Variants in GPRC6A observed in about 807,000 individuals in gnomAD.
GPRC6A encodes G protein-coupled receptor class C group 6 member A.
Under a neutral mutation model 47.0 loss-of-function variants are expected in GPRC6A, and 54 were observed. That is an observed-to-expected ratio of 1.15 (90% CI 0.92 to 1.44). The LOEUF is 1.44. Among genes scored for constraint, GPRC6A ranks in the 40% most tolerant of loss-of-function variants. The pLI is 0.00. For synonymous variants in GPRC6A, 347 were observed against 377.1 expected (o/e 0.92, Z 0.93); for missense variants, 1,112 against 1,105.5 (o/e 1.01, Z -0.08).
At chr6:116,802,115 T>A (rs908788297) in intron 3 of GPRC6A, among the ~76,000 whole-genome samples, 2 of 152,176 alleles carry the variant, frequency 1.3e-5, no homozygotes, top group African/African-American at 4.8e-5. Context: ...TTAATTAGGC[T>A]TTATAGGCTA....
rs750666167 is a variant in GPRC6A at position 116,792,528 on chromosome 6, TG to T, written c.2394del (p.Phe798LeufsTer22). On this transcript the variant is annotated frameshift_variant, in exon 6 of 6. Transcript: ENST00000310357. LOFTEE classifies it low-confidence loss of function (END_TRUNC). ...CCAAATGTGGTAGCATAGATAGGGATGAATGTGATCCAAGCTATGAAGTAAA... is the reference window on the plus strand; with the variant it reads ...CCAAATGTGGTAGCATAGATAGGGATAATGTGATCCAAGCTATGAAGTAAA... ...MLIYFIAWITFIPIYATTFGK... is the reference protein window; with the variant it reads ...MLIYFIAWITXIPIYATTFGK... The T allele has an allele frequency of 1.2e-6, 2 of 1,613,824 alleles. No homozygotes were observed. The highest frequency in any genetic ancestry group is 1.7e-5 in the Admixed American group (1 of 59,988).
chr6:116,810,370 A>G (rs1490856991), intron 1 of GPRC6A, among the ~76,000 whole-genome samples: 2 of 152,108 alleles, frequency 1.3e-5, no homozygotes, highest in Non-Finnish European at 2.9e-5. Flanking sequence ...CTATTTGAAT[A>G]TTACTATTTG....
intron 1 of GPRC6A, among the ~76,000 whole-genome samples, chr6:116,815,398 G>C (rs961166186): frequency 6.6e-6 from 1 of 152,154 alleles, no homozygotes; most frequent in Admixed American, 6.5e-5. Flanking sequence ...TGGAAGGATC[G>C]CTTGAACCCA....
At chr6:116,824,501 G>A (rs375100110) in intron 1 of GPRC6A, among the ~76,000 whole-genome samples, 4 of 151,948 alleles carry the variant, frequency 2.6e-5, no homozygotes, top group African/African-American at 9.7e-5. Context: ...TAGAGGAAAT[G>A]TGAAAATTCC....
At chr6:116,808,394 TCATA>T (rs1772920102) in intron 2 of GPRC6A, among the ~76,000 whole-genome samples, 1 of 152,164 alleles carries the variant, frequency 6.6e-6, no homozygotes, top group South Asian at 2.1e-4. Flanking sequence ...CTAACTAGTA[TCATA>T]CATAGTCTAG....
chr6:116,806,278 A>T lies in GPRC6A; in HGVS notation c.1335+92T>A, dbSNP rs1267364058. ...TATTTATAAAAGGAATAGGATTAAG[A>T]GCAATTAATATAAATCTTTGCAAAT... On this transcript the variant is annotated intron_variant, in intron 3 of 5. Coordinates refer to ENST00000310357, the MANE Select transcript of GPRC6A (RefSeq NM_148963.4). The T allele has an allele frequency of 7.7e-6, 6 of 781,572 alleles. No individual in the cohort carries two copies. In the Admixed American group the frequency reaches 9.2e-5, roughly 12 times the overall value. 48.4% of individuals were successfully genotyped at this position (781,572 alleles called of 1,614,324 possible).
At chr6:116,808,534 T>G (rs1772925723) in intron 2 of GPRC6A, among the ~76,000 whole-genome samples, 1 of 152,132 alleles carries the variant, frequency 6.6e-6, no homozygotes, top group South Asian at 2.1e-4. Context: ...CTAATAGTCT[T>G]TATTTGTATA....
At chr6:116,811,656 T>C (rs1018463754) in intron 1 of GPRC6A, among the ~76,000 whole-genome samples, 7 of 152,076 alleles carry the variant, frequency 4.6e-5, no homozygotes, top group African/African-American at 1.4e-4. Flanking sequence ...ACCAAAGACA[T>C]AGATGTCATA....
rs952447207 is a variant in GPRC6A, at chr6:116,800,372, C to T, written c.1548+212G>A. On this transcript the variant is annotated intron_variant, in intron 4 of 5. Coordinates refer to ENST00000310357, the MANE Select transcript of GPRC6A (RefSeq NM_148963.4). The stretch of plus-strand genomic sequence containing the variant: ...CCTTCTTTCTTTCTCTCTCTCCCTC[C>T]CTCCCTCCCTCTCTCTCTCTCTTTC... Among the ~76,000 whole-genome samples the T allele has an allele frequency of 3.5e-5, 5 of 142,932 alleles. No individual in the cohort carries two copies. In the Admixed American group the frequency reaches 3.5e-4, roughly 10 times the overall value. 93.8% of individuals were successfully genotyped at this position (142,932 alleles called of 152,430 possible). A position where few individuals can be genotyped will look rare whatever the true frequency, so the allele number is the denominator to read the frequency against.
intron 3 of GPRC6A, among the ~76,000 whole-genome samples, chr6:116,804,720 A>G (rs909229133): frequency 2.6e-5 from 4 of 152,068 alleles, no homozygotes; most frequent in African/African-American, 7.2e-5. Flanking sequence ...CTCAAATCTT[A>G]TCCTTGAAGT....
rs559337981 is a variant in GPRC6A, at chr6:116,816,564, C to G, written c.195-6947G>C. Among the ~76,000 whole-genome samples the G allele has an allele frequency of 8.5e-5, 13 of 152,360 alleles. No individual in the cohort carries two copies. In the South Asian group the frequency reaches 2.7e-3, roughly 32 times the overall value. On this transcript the variant is annotated intron_variant, in intron 1 of 5. Coordinates refer to ENST00000310357, the MANE Select transcript of GPRC6A (RefSeq NM_148963.4). ...ATGGCCGAATAGGAACAGCTCCGGT[C>G]TACAGCTCCCAGCATGAGCGACGCA... is the stretch of plus-strand genomic sequence containing the variant.
In GPRC6A at chr6:116,806,783, C is replaced by T; in HGVS notation, c.922G>A (p.Ala308Thr). The change falls in exon 3 of 6, where the codon GCC (alanine) becomes ACC (threonine). Residue 308 changes from alanine to threonine, a missense_variant. Physicochemically the swap from Ala to Thr is moderately conservative, Grantham distance 58. Transcript: ENST00000310357. ...TTAGGAATGGTGGTAATCTTGGTGG[C>T]AGTTGACCAATTATCACTAGCAATC... is the stretch of plus-strand genomic sequence containing the variant. ...MWIASDNWSTATKITTIPNVK... is the reference protein window; with the variant it reads ...MWIASDNWSTTTKITTIPNVK... The T allele has an allele frequency of 6.2e-7, 1 of 1,613,504 alleles. No individual in the cohort carries two copies. The highest frequency in any genetic ancestry group is 1.1e-5 in the South Asian group (1 of 91,038).
intron 5 of GPRC6A, among the ~76,000 whole-genome samples, chr6:116,793,879 C>CT (rs1772396006): frequency 6.6e-6 from 1 of 152,168 alleles, no homozygotes; most frequent in Non-Finnish European, 1.5e-5. Flanking sequence ...ACTCTGAAAG[C>CT]TTGAAGTCTC....
intron 3 of GPRC6A, among the ~76,000 whole-genome samples, chr6:116,806,132 G>C (rs2114594027): frequency 6.6e-6 from 1 of 152,150 alleles, no homozygotes; most frequent in East Asian, 1.9e-4. Context: ...ATTTTCATGA[G>C]AAATAAAAGA....
intron 1 of GPRC6A, among the ~76,000 whole-genome samples, chr6:116,826,526 A>G (rs1773680542): frequency 6.6e-6 from 1 of 151,860 alleles, no homozygotes. Flanking sequence ...TAAAAAGACA[A>G]AAACAAAACA....
chr6:116,816,894 G>A (rs1482067338), intron 1 of GPRC6A, among the ~76,000 whole-genome samples: 5 of 152,162 alleles, frequency 3.3e-5, no homozygotes, highest in African/African-American at 9.7e-5. Flanking sequence ...CTACGCCCAC[G>A]GAATCTCACT....
chr6:116,820,387 T>C lies in GPRC6A; in HGVS notation c.194+8433A>G, dbSNP rs375263030. On this transcript the variant is annotated intron_variant, in intron 1 of 5. Transcript: ENST00000310357. The stretch of plus-strand genomic sequence containing the variant: ...GCCAGCATCATTCTGATACCAAAGC[T>C]GGGCAGAGACACAACCAAAAAAGAG... Among the ~76,000 whole-genome samples, 362 of 151,966 alleles carry C rather than the reference T, an allele frequency of 2.4e-3. 3 individuals carry two copies. The highest frequency in any genetic ancestry group is 8.0e-3 in the African/African-American group (331 of 41,380).
chr6:116,824,248 C>T (rs536006037), intron 1 of GPRC6A, among the ~76,000 whole-genome samples: 43 of 151,620 alleles, frequency 2.8e-4, no homozygotes, highest in African/African-American at 9.2e-4. Flanking sequence ...TAATAAAGTT[C>T]TAGCAGAGCT....
chr6:116,806,166 A>G (rs1772829882), intron 3 of GPRC6A, among the ~76,000 whole-genome samples: 1 of 152,190 alleles, frequency 6.6e-6, no homozygotes, highest in Non-Finnish European at 1.5e-5. Flanking sequence ...AGGTCAGAGT[A>G]GGAAGTGAAG....
Sources: gnomAD v4.1 joint callset for allele counts (sites outside exome capture counted in the v4.1 genomes callset) on GRCh38, gnomAD v4.1.1 for gene constraint, MANE v1.5 for transcripts, NCBI Gene and HGNC (gene_info 2026-07-23, HGNC 2026-07-21) for gene names.